CCDC192: variants seen among roughly 807,000 people sequenced by gnomAD.
CCDC192 encodes the protein coiled-coil domain containing 192.
At chr5:127,747,251 C>A (rs947852846) in intron 2 of CCDC192, among the ~76,000 whole-genome samples, 2 of 151,792 alleles carry the variant, frequency 1.3e-5, no homozygotes, top group Non-Finnish European at 2.9e-5. Context: ...TGCTATCCCT[C>A]CCCCCTCTCC....
intron 3 of CCDC192, among the ~76,000 whole-genome samples, chr5:127,767,472 C>G (rs1755295019): frequency 6.6e-6 from 1 of 152,138 alleles, no homozygotes; most frequent in South Asian, 2.1e-4. Context: ...TTTGCAGTAG[C>G]TCTATTTCTG....
intron 6 of CCDC192, among the ~76,000 whole-genome samples, chr5:127,915,383 CTT>C (rs1336366944): frequency 6.6e-6 from 1 of 152,092 alleles, no homozygotes; most frequent in Non-Finnish European, 1.5e-5. Flanking sequence ...ACTTCATAAA[CTT>C]TCTTTTTTTT....
At chr5:127,924,065 C>T (rs531158165) in intron 6 of CCDC192, among the ~76,000 whole-genome samples, 1 of 152,252 alleles carries the variant, frequency 6.6e-6, no homozygotes, top group South Asian at 2.1e-4. Flanking sequence ...ATCACTCTGA[C>T]CAATATATTC....
At chr5:127,905,123 T>C (rs1753160706) in intron 6 of CCDC192, among the ~76,000 whole-genome samples, 1 of 152,082 alleles carries the variant, frequency 6.6e-6, no homozygotes, top group Non-Finnish European at 1.5e-5. Context: ...GAGTAAAAAA[T>C]AAATTTTTAT....
intron 6 of CCDC192, among the ~76,000 whole-genome samples, chr5:127,886,299 C>T (rs1752557103): frequency 6.6e-6 from 1 of 152,096 alleles, no homozygotes; most frequent in South Asian, 2.1e-4. Flanking sequence ...AGGAAGGAGC[C>T]CCATTCCTAT....
intron 2 of CCDC192, among the ~76,000 whole-genome samples, chr5:127,737,726 T>C (rs1008968661): frequency 7.9e-5 from 12 of 151,706 alleles, no homozygotes; most frequent in African/African-American, 2.2e-4. Context: ...GTTTAAAGTC[T>C]GTTTTATCAG....
chr5:127,718,779 G>T (rs1751788562), intron 2 of CCDC192, among the ~76,000 whole-genome samples: 1 of 152,084 alleles, frequency 6.6e-6, no homozygotes, highest in South Asian at 2.1e-4. Flanking sequence ...GTACACAGTG[G>T]TGTGTATATC....
At chr5:127,791,119 A>G (rs1756842001) in intron 3 of CCDC192, among the ~76,000 whole-genome samples, 2 of 152,206 alleles carry the variant, frequency 1.3e-5, no homozygotes, top group Non-Finnish European at 2.9e-5. Flanking sequence ...ACAAGTTTGG[A>G]AGGAGAAGAT....
At chr5:127,836,291 C>T (rs1750032600) in intron 5 of CCDC192, among the ~76,000 whole-genome samples, 2 of 152,358 alleles carry the variant, frequency 1.3e-5, no homozygotes. Context: ...CATTGGGCAG[C>T]TCCACCCCTG....
At chr5:127,909,362 T>C (rs979084783) in intron 6 of CCDC192, among the ~76,000 whole-genome samples, 1 of 152,130 alleles carries the variant, frequency 6.6e-6, no homozygotes. Flanking sequence ...AGTTCACTTC[T>C]TCCCCTTGCT....
rs60666950 is a variant in CCDC192 at position 127,808,057 on chromosome 5, A to G, written c.411+9895A>G. On this transcript the variant is annotated intron_variant, in intron 5 of 6. Coordinates refer to ENST00000514853, the MANE Select transcript of CCDC192 (RefSeq NM_001317938.2). ...GACATTTATTATTCTATTAGGTAGTATGCCTTCCTGCACCAGTAATGTTGC... is the reference window on the plus strand; with the variant it reads ...GACATTTATTATTCTATTAGGTAGTGTGCCTTCCTGCACCAGTAATGTTGC... Among the ~76,000 whole-genome samples, 342 of 152,276 alleles carry G rather than the reference A, an allele frequency of 2.2e-3. 2 individuals are homozygous for G. The highest frequency in any genetic ancestry group is 0.015 in the East Asian group (76 of 5,186).
chr5:127,876,395 G>T (rs372646163), intron 6 of CCDC192, among the ~76,000 whole-genome samples: 9 of 152,106 alleles, frequency 5.9e-5, no homozygotes, highest in East Asian at 5.8e-4. Context: ...GTACATTTAA[G>T]AATTCCCTAA....
At chr5:127,838,733 A>C (rs1405333999) in intron 5 of CCDC192, 4 of 152,240 alleles carry the variant, frequency 2.6e-5, no homozygotes, top group Non-Finnish European at 5.9e-5. Flanking sequence ...AGAGCGCTAA[A>C]AATGTACACA....
chr5:127,874,114 A>T (rs1189338265), intron 5 of CCDC192, among the ~76,000 whole-genome samples: 1 of 152,188 alleles, frequency 6.6e-6, no homozygotes, highest in Non-Finnish European at 1.5e-5. Context: ...CAGAGGATGC[A>T]TTCTAATAAT....
intron 6 of CCDC192, among the ~76,000 whole-genome samples, chr5:127,917,698 G>T (rs1239648097): frequency 6.6e-6 from 1 of 152,102 alleles, no homozygotes; most frequent in Admixed American, 6.5e-5. Context: ...TGCAGTTCAT[G>T]GCACCCCAAA....
chr5:127,839,334 G>C (rs1054381436), intron 5 of CCDC192, among the ~76,000 whole-genome samples: 18 of 152,190 alleles, frequency 1.2e-4, no homozygotes, highest in African/African-American at 4.3e-4. Context: ...AGTGAAAAGA[G>C]AGGAATACAT....
chr5:127,779,613 C>T (rs1259654732), intron 3 of CCDC192, among the ~76,000 whole-genome samples: 2 of 152,202 alleles, frequency 1.3e-5, no homozygotes, highest in African/African-American at 4.8e-5. Flanking sequence ...TGTAAAATTA[C>T]ATACCATCAC....
chr5:127,746,091 G>A (rs769155483), intron 2 of CCDC192, among the ~76,000 whole-genome samples: 47 of 152,318 alleles, frequency 3.1e-4, no homozygotes, highest in African/African-American at 1.1e-3. Flanking sequence ...GCTCTTTCCC[G>A]TAAGGGAGTG....
chr5:127,725,844 C>T (rs914017342), intron 2 of CCDC192, among the ~76,000 whole-genome samples: 5 of 152,136 alleles, frequency 3.3e-5, no homozygotes, highest in East Asian at 1.9e-4. Context: ...ATACACATGG[C>T]GTCTCCTCTT....
Sources: gnomAD v4.1 joint callset for allele counts (sites outside exome capture counted in the v4.1 genomes callset) on GRCh38, gnomAD v4.1.1 for gene constraint, MANE v1.5 for transcripts, NCBI Gene and HGNC (gene_info 2026-07-23, HGNC 2026-07-21) for gene names.